Variants in SRXN1 observed in about 807,000 individuals in gnomAD.
SRXN1 encodes the protein sulfiredoxin-1.
A neutral mutation model predicts 11.0 loss-of-function variants in SRXN1; 11 were observed. The observed-to-expected ratio is 1.00, with a 90% CI of 0.63 to 1.65. The LOEUF (loss-of-function observed/expected upper bound fraction) is 1.65, where lower values mean the gene tolerates loss of function less well. Ranked by LOEUF, SRXN1 falls within the 40% of genes most tolerant of loss-of-function variation. SRXN1 has a pLI of 0.00. For synonymous variants in SRXN1, 106 were observed against 92.8 expected (o/e 1.14, Z -0.82); for missense variants, 211 against 194.5 (o/e 1.08, Z -0.50).
intron 1 of SRXN1, among the ~76,000 whole-genome samples, chr20:652,382 T>C (rs113252704): frequency 0.039 from 5,886 of 152,180 alleles, 292 homozygotes; most frequent in African/African-American, 0.12. Flanking sequence ...ATCACTCCGG[T>C]ATTCTTAACA....
rs1471191206 is a variant in SRXN1 at position 648,804 on chromosome 20, C to T, written c.324G>A (p.Leu108=). The change falls in exon 2 of 2, where the codon CTG becomes CTA. Residue 108 remains leucine (L), a synonymous_variant. Transcript: ENST00000381962. The stretch of plus-strand genomic sequence containing the variant: ...GCTTGGCGGGGATGGTCTCTCGCTG[C>T]AGTTGCTGGTAGGCCGCGTAGCGGT... ...GCHRYAAYQQ[L]QRETIPAKLV... The T allele has an allele frequency of 6.2e-7, 1 of 1,614,228 alleles. No individual in the cohort carries two copies.
chr20:652,885 G>C, intron 1 of SRXN1, 91 bp downstream of exon 1: 1 of 1,308,142 alleles, frequency 7.6e-7, no homozygotes, highest in Non-Finnish European at 9.8e-7. Context: ...GAACCAGTCC[G>C]TCTCGCGTCC....
rs1308359836 is a variant in SRXN1 at position 653,003 on chromosome 20, C to T, written c.183G>A (p.Lys61=). Residue 61 remains lysine (K), a synonymous_variant, in exon 1 of 2, where the codon AAG becomes AAA. Coordinates refer to ENST00000381962, the MANE Select transcript of SRXN1 (RefSeq NM_080725.3). ...RPLPSVLDPA[K]VQSLVDTIRE... is the part of the protein sequence containing the mutation. ...GGATCGTGTCCACGAGGCTCTGCAC[C>T]TTGGCGGGGTCCAACACGGACGGCA... 2.5e-6 allele frequency: 4 copies of T among 1,569,150 alleles called. No homozygotes were observed. The highest frequency in any genetic ancestry group is 1.2e-5 in the South Asian group (1 of 84,596).
At chr20:649,718 G>T (rs1294475618) in intron 1 of SRXN1, among the ~76,000 whole-genome samples, 1 of 148,852 alleles carries the variant, frequency 6.7e-6, no homozygotes. Context: ...AAAAAAAAAA[G>T]AGAGAAGTGG....
In SRXN1 at chr20:648,811, T is replaced by C. The variant is rs1983601767; in HGVS notation, c.317A>G (p.Gln106Arg). The change falls in exon 2 of 2, where the codon CAG becomes CGG. Residue 106 changes from glutamine (Q) to arginine (R), a missense_variant. Coordinates refer to ENST00000381962, the MANE Select transcript of SRXN1 (RefSeq NM_080725.3). Reference protein sequence around the residue: ...FGGCHRYAAYQQLQRETIPAK... With the variant: ...FGGCHRYAAYRQLQRETIPAK... ...GGGGATGGTCTCTCGCTGCAGTTGCTGGTAGGCCGCGTAGCGGTGGCAGCC... is the reference window on the plus strand; with the variant it reads ...GGGGATGGTCTCTCGCTGCAGTTGCCGGTAGGCCGCGTAGCGGTGGCAGCC... The C allele has an allele frequency of 3.7e-6, 6 of 1,614,102 alleles. No individual in the cohort carries two copies. Among genetic ancestry groups the C allele is most frequent in the Non-Finnish European group, 5.1e-6 (6 of 1,180,040 alleles).
Position 647,639 on chromosome 20 carries a change from AAGTG to A in SRXN1, c.*1071_*1074del, listed in dbSNP as rs1983564109. On this transcript the variant is annotated 3_prime_UTR_variant, in exon 2 of 2. Coordinates refer to ENST00000381962, the MANE Select transcript of SRXN1 (RefSeq NM_080725.3). ...GCCAACAGCCTGTCACCTGCCAGGC[AAGTG>A]AGTAAGGCTATCCTAGACCATCCAG... The A allele has an allele frequency of 1.7e-5, 3 of 180,846 alleles. No individual in the cohort carries two copies. The highest frequency in any genetic ancestry group is 2.5e-4 in the South Asian group (2 of 8,124). The allele number at this position is 180,846 out of a possible 1,614,324, so 11.2% of individuals were successfully genotyped here. A position where few individuals can be genotyped will look rare whatever the true frequency, so the allele number is the denominator to read the frequency against.
intron 1 of SRXN1, among the ~76,000 whole-genome samples, chr20:652,688 C>T (rs1374333129): frequency 6.6e-6 from 1 of 152,202 alleles, no homozygotes; most frequent in East Asian, 1.9e-4. Context: ...CTAGGGTTGG[C>T]ATAGGAAACT....
At position 648,434 on chromosome 20, in the gene SRXN1, C is replaced by T. The variant is rs111984579; in HGVS notation, c.*280G>A. The T allele has an allele frequency of 2.0e-3, 1,232 of 602,476 alleles. 15 individuals carry two copies. Among genetic ancestry groups the T allele is most frequent in the African/African-American group, 0.02 (1,103 of 55,146 alleles). 37.3% of individuals were successfully genotyped at this position (602,476 alleles called of 1,614,324 possible). On this transcript the variant is annotated 3_prime_UTR_variant, in exon 2 of 2. Coordinates refer to ENST00000381962, the MANE Select transcript of SRXN1 (RefSeq NM_080725.3). ...ATCCTTGTCCTTGGGAATTTGGAGC[C>T]GGCAGCACGTGGCTCTTCAAGCCCA...
intron 1 of SRXN1, among the ~76,000 whole-genome samples, chr20:649,881 G>A (rs1188523613): frequency 6.6e-6 from 1 of 152,114 alleles, no homozygotes; most frequent in Non-Finnish European, 1.5e-5. Context: ...AGAATTTTTG[G>A]GTTAAATGGG....
Position 653,140 on chromosome 20 carries a change from G to T in SRXN1, c.46C>A (p.Arg16=). Reference sequence around the variant, plus strand: ...GGCCCGGGCCCCTCGGGCGCCCCCCGACCCGCGCCGGCCCTGCCCAGCGTT... The same window carrying T: ...GGCCCGGGCCCCTCGGGCGCCCCCCTACCCGCGCCGGCCCTGCCCAGCGTT... ...GGTLGRAGAG[R]GAPEGPGPSG... The change falls in exon 1 of 2, where the codon CGG becomes AGG. Residue 16 remains arginine, a synonymous_variant. Coordinates refer to ENST00000381962, the MANE Select transcript of SRXN1 (RefSeq NM_080725.3). 7.8e-7 allele frequency: 1 copy of T among 1,282,686 alleles called. No individual in the cohort carries two copies. Among genetic ancestry groups the T allele is most frequent in the East Asian group, 3.3e-5 (1 of 29,912 alleles). The allele number at this position is 1,282,686 out of a possible 1,614,324, so 79.5% of individuals were successfully genotyped here.
chr20:648,987 C>T, intron 1 of SRXN1, 70 bp from the exon 2 acceptor site: 1 of 1,538,250 alleles, frequency 6.5e-7, no homozygotes, highest in Non-Finnish European at 8.9e-7. Flanking sequence ...AGACTTTGTC[C>T]ACTTGTGCTG....
chr20:646,640 T>C lies in SRXN1; in HGVS notation c.*2074A>G, dbSNP rs1053902422. 1 of 151,586 alleles carries C rather than the reference T, an allele frequency of 6.6e-6. No individual in the cohort carries two copies. Among genetic ancestry groups the C allele is most frequent in the Non-Finnish European group, 1.5e-5 (1 of 67,926 alleles). 9.4% of individuals were successfully genotyped at this position (151,586 alleles called of 1,614,324 possible). ...TTTTTTTTTTTAAATTAAATAAACT[T>C]TTATTTTGGAATGATACTAGATTTA... On this transcript the variant is annotated 3_prime_UTR_variant, in exon 2 of 2. Transcript: ENST00000381962.
chr20:650,237 G>C (rs1983638233), intron 1 of SRXN1, among the ~76,000 whole-genome samples: 1 of 152,206 alleles, frequency 6.6e-6, no homozygotes, highest in African/African-American at 2.4e-5. Context: ...AGGGTGGACA[G>C]GGCACAGGGC....
chr20:649,737 C>T (rs927944496), intron 1 of SRXN1, among the ~76,000 whole-genome samples: 10 of 151,416 alleles, frequency 6.6e-5, no homozygotes, highest in African/African-American at 1.2e-4. Context: ...GGAATAGTTT[C>T]GATTAAGAGC....
At chr20:649,032 G>A in intron 1 of SRXN1, 115 bp from the exon 2 acceptor site, 1 of 1,069,058 alleles carries the variant, frequency 9.4e-7, no homozygotes, top group Non-Finnish European at 1.4e-6. Flanking sequence ...GGACTACTGT[G>A]AGAGACAACT....
intron 1 of SRXN1, among the ~76,000 whole-genome samples, chr20:650,957 G>A (rs761047823): frequency 5.6e-4 from 85 of 152,368 alleles, no homozygotes; most frequent in Non-Finnish European, 5.4e-4. Flanking sequence ...CAGAATTAAG[G>A]TAAGGATCCT....
chr20:652,965 C>T lies in SRXN1; in HGVS notation c.210+11G>A. 2 of 1,473,010 alleles carry T rather than the reference C, an allele frequency of 1.4e-6. No individual in the cohort carries two copies. The highest frequency in any genetic ancestry group is 1.4e-5 in the African/African-American group (1 of 70,286). The allele number at this position is 1,473,010 out of a possible 1,614,324, so 91.2% of individuals were successfully genotyped here. The stretch of plus-strand genomic sequence containing the variant: ...CCTCCCTCCGGTTGGCTGGACTCCC[C>T]GAGGCCTCACCCGGATCGTGTCCAC... On this transcript the variant is annotated intron_variant, in intron 1 of 1. Transcript: ENST00000381962.
Position 647,786 on chromosome 20 carries a change from GGTTT to G in SRXN1, c.*924_*927del, listed in dbSNP as rs558608358. The stretch of plus-strand genomic sequence containing the variant: ...CCCATAGGATTGTGGGAAAATACAG[GGTTT>G]GTTTCTAGCTGCCAAGTTTGGGGAT... On this transcript the variant is annotated 3_prime_UTR_variant, in exon 2 of 2. Coordinates refer to ENST00000381962, the MANE Select transcript of SRXN1 (RefSeq NM_080725.3). 6.7e-4 allele frequency: 232 copies of G among 345,434 alleles called. No individual in the cohort carries two copies. Among genetic ancestry groups the G allele is most frequent in the African/African-American group, 4.3e-3 (201 of 46,698 alleles). 21.4% of individuals were successfully genotyped at this position (345,434 alleles called of 1,614,324 possible).
At chr20:652,839 G>C in intron 1 of SRXN1, 137 bp downstream of exon 1, 1 of 1,267,788 alleles carries the variant, frequency 7.9e-7, no homozygotes, top group Non-Finnish European at 1.0e-6. Context: ...ACTTGCTCAA[G>C]GTCACACAGC....
Sources: allele counts gnomAD v4.1 joint callset (sites outside exome capture counted in the v4.1 genomes callset), GRCh38; gene constraint gnomAD v4.1.1; transcripts MANE v1.5; gene names NCBI Gene and HGNC (gene_info 2026-07-23, HGNC 2026-07-21).